Variants in CADPS2 observed in about 807,000 individuals in gnomAD.
CADPS2 encodes calcium-dependent secretion activator 2.
CADPS2 carries 93 observed loss-of-function variants against 172.5 expected under a neutral mutation model. The ratio of observed to expected loss-of-function variants is 0.54; its 90% CI spans 0.46 to 0.64. The LOEUF (loss-of-function observed/expected upper bound fraction) is 0.64. CADPS2 is among the 30% of genes least tolerant of loss of function. The probability of loss-of-function intolerance (pLI) is 0.00; values close to 1 mark genes in which losing one functional copy is unlikely to be tolerated. For missense variants in CADPS2, 1,420 were observed against 1,565.9 expected (o/e 0.91, Z 1.57); for synonymous variants, 546 against 555.2 (o/e 0.98, Z 0.23).
chr7:122,807,521 AG>A (rs1163273495), intron 1 of CADPS2, among the ~76,000 whole-genome samples: 1 of 152,210 alleles, frequency 6.6e-6, no homozygotes, highest in Non-Finnish European at 1.5e-5. Flanking sequence ...TCTGAAACCC[AG>A]CCTCGGGAGG....
chr7:122,773,474 GGAAAAGATA>G (rs896404823), intron 1 of CADPS2, among the ~76,000 whole-genome samples: 1 of 151,768 alleles, frequency 6.6e-6, no homozygotes, highest in Non-Finnish European at 1.5e-5. Context: ...AGATACCTTC[GGAAAAGATA>G]GAAAAGATAA....
chr7:122,490,324 T>C (rs564240687), intron 10 of CADPS2, 43 bp from the exon 11 acceptor site: 1 of 1,576,186 alleles, frequency 6.3e-7, no homozygotes, highest in East Asian at 2.2e-5. Flanking sequence ...TTTATAGGAT[T>C]GGCAGATTTT....
At position 122,358,587 on chromosome 7, in the gene CADPS2, T is replaced by C. The variant is rs971763805; in HGVS notation, c.3504+2201A>G. On this transcript the variant is annotated intron_variant, in intron 27 of 29. Transcript: ENST00000449022. The stretch of plus-strand genomic sequence containing the variant: ...CTTCTTGAAGTTGTATAGTTCTGCA[T>C]TGTATGTGGGTCTAGGTCTGTTTTC... Among the ~76,000 whole-genome samples the C allele has an allele frequency of 6.6e-5, 10 of 152,232 alleles. No homozygotes were observed. In the South Asian group the frequency reaches 1.7e-3, roughly 25 times the overall value.
chr7:122,840,236 A>G (rs1182752939), intron 1 of CADPS2, among the ~76,000 whole-genome samples: 1 of 152,142 alleles, frequency 6.6e-6, no homozygotes, highest in Non-Finnish European at 1.5e-5. Flanking sequence ...CAGTGAGAAC[A>G]CTTGGACACA....
chr7:122,783,879 G>A (rs1433060160), intron 1 of CADPS2, among the ~76,000 whole-genome samples: 1 of 152,140 alleles, frequency 6.6e-6, no homozygotes, highest in Non-Finnish European at 1.5e-5. Flanking sequence ...GGATTAGGAT[G>A]CCTTCGACCA....
chr7:122,404,377 T>C (rs1225899485), intron 20 of CADPS2, among the ~76,000 whole-genome samples: 1 of 152,230 alleles, frequency 6.6e-6, no homozygotes, highest in Non-Finnish European at 1.5e-5. Context: ...CCACATTTCT[T>C]AATCCAGTCT....
At chr7:122,805,433 C>T (rs1040573905) in intron 1 of CADPS2, among the ~76,000 whole-genome samples, 1 of 152,196 alleles carries the variant, frequency 6.6e-6, no homozygotes, top group East Asian at 1.9e-4. Context: ...GCTGAGATTA[C>T]AGGAGTGAGC....
chr7:122,369,127 T>TC (rs68130351), intron 25 of CADPS2, among the ~76,000 whole-genome samples: 187 of 49,768 alleles, frequency 3.8e-3, no homozygotes, highest in East Asian at 7.0e-3. Context: ...AATTTTTGTT[T>TC]CCCCCCCCCC....
In CADPS2 at chr7:122,826,258, C is replaced by T. The variant is rs556196595; in HGVS notation, c.339+59741G>A. On this transcript the variant is annotated intron_variant, in intron 1 of 29. Transcript: ENST00000449022. ...ACTAGGGCTGAGTGAGGAACCTGCACTTCTACCTCCATTTGGACTTAAGAA... is the reference window on the plus strand; with the variant it reads ...ACTAGGGCTGAGTGAGGAACCTGCATTTCTACCTCCATTTGGACTTAAGAA... Among the ~76,000 whole-genome samples, 6 of 152,338 alleles carry T rather than the reference C, an allele frequency of 3.9e-5. 1 individual carries two copies. The South Asian group carries it at 8.3e-4, about 21-fold the overall frequency.
chr7:122,655,388 A>G (rs1417428848), intron 3 of CADPS2, among the ~76,000 whole-genome samples: 1 of 152,182 alleles, frequency 6.6e-6, no homozygotes, highest in Non-Finnish European at 1.5e-5. Flanking sequence ...AAACTAATAT[A>G]GCCAACCTAG....
At chr7:122,489,757 C>T (rs2058125259) in intron 11 of CADPS2, among the ~76,000 whole-genome samples, 1 of 152,032 alleles carries the variant, frequency 6.6e-6, no homozygotes, top group South Asian at 2.1e-4. Flanking sequence ...TTTTCCATAT[C>T]TATAGGAGAC....
intron 3 of CADPS2, among the ~76,000 whole-genome samples, chr7:122,657,980 A>T (rs2080024126): frequency 6.6e-6 from 1 of 152,180 alleles, no homozygotes; most frequent in South Asian, 2.1e-4. Flanking sequence ...AAATTTTTGC[A>T]ATCTACTCAT....
At chr7:122,679,632 T>C (rs1012327397) in intron 2 of CADPS2, among the ~76,000 whole-genome samples, 5 of 152,182 alleles carry the variant, frequency 3.3e-5, no homozygotes, top group Admixed American at 6.5e-5. Flanking sequence ...CCTTTGAAAA[T>C]TGCTGGTAAA....
intron 2 of CADPS2, among the ~76,000 whole-genome samples, chr7:122,729,970 C>G (rs2091493660): frequency 6.6e-6 from 1 of 151,370 alleles, no homozygotes; most frequent in African/African-American, 2.4e-5. Flanking sequence ...GAAGTGTAGT[C>G]TCTACCTGAA....
intron 1 of CADPS2, among the ~76,000 whole-genome samples, chr7:122,829,011 C>T (rs1178753417): frequency 3.3e-5 from 5 of 152,176 alleles, no homozygotes; most frequent in African/African-American, 7.2e-5. Flanking sequence ...CTCATGTGTG[C>T]GAATGTTTTA....
At chr7:122,825,781 G>GT (rs1042135626) in intron 1 of CADPS2, among the ~76,000 whole-genome samples, 13 of 152,020 alleles carry the variant, frequency 8.6e-5, no homozygotes, top group African/African-American at 2.9e-4. Context: ...CAATGTTAAT[G>GT]TTTTGCAATA....
chr7:122,426,356 C>G (rs2151854132), intron 17 of CADPS2: 1 of 152,306 alleles, frequency 6.6e-6, no homozygotes, highest in Non-Finnish European at 1.5e-5. Context: ...TTCTACAGCT[C>G]TAACATCACA....
At chr7:122,701,773 TTATC>T (rs1323745275) in intron 2 of CADPS2, 6 of 1,136,592 alleles carry the variant, frequency 5.3e-6, no homozygotes, top group African/African-American at 1.6e-5. Context: ...ATAAGACAAT[TTATC>T]TAATCTTTGT....
At chr7:122,586,378 G>C (rs773552292) in intron 6 of CADPS2, among the ~76,000 whole-genome samples, 17 of 151,792 alleles carry the variant, frequency 1.1e-4, no homozygotes, top group African/African-American at 2.4e-4. Context: ...ACAGTAGCTA[G>C]AGCACTAGAT....
Sources: allele counts gnomAD v4.1 joint callset (sites outside exome capture counted in the v4.1 genomes callset), GRCh38; gene constraint gnomAD v4.1.1; transcripts MANE v1.5; gene names NCBI Gene and HGNC (gene_info 2026-07-23, HGNC 2026-07-21).